Variants in HLCS observed in about 807,000 individuals in gnomAD.
HLCS encodes holocarboxylase synthetase.
HLCS carries 53 observed loss-of-function variants against 75.0 expected under a neutral mutation model. The ratio of observed to expected loss-of-function variants is 0.71; its 90% confidence interval spans 0.57 to 0.89. The LOEUF (loss-of-function observed/expected upper bound fraction) is 0.89, where lower values mean the gene tolerates loss of function less well. HLCS is among the 40% of genes least tolerant of loss of function. HLCS has a pLI of 0.00. For synonymous variants in HLCS, 431 were observed against 428.6 expected, an observed-to-expected ratio of 1.01 and a Z score of -0.07; for missense variants, 966 against 1,074.0, an observed-to-expected ratio of 0.90 and a Z score of 1.41.
At chr21:36,766,699 C>A (rs567827576) in intron 7 of HLCS, among the ~76,000 whole-genome samples, 1 of 151,800 alleles carries the variant, frequency 6.6e-6, no homozygotes, top group African/African-American at 2.4e-5. Flanking sequence ...CTCTCGTCTC[C>A]GGGATCTGCA....
rs1439535195 is a variant in HLCS at position 36,849,678 on chromosome 21, C to T, written c.1892+47182G>A. 2.0e-5 allele frequency among the ~76,000 whole-genome samples: 3 copies of T among 152,240 alleles called. No homozygotes were observed. In the East Asian group the frequency reaches 5.8e-4, roughly 29 times the overall value. On this transcript the variant is annotated intron_variant, in intron 6 of 10. Transcript: ENST00000674895. ...CCCCCACTGAACTGCCAGCATCCGGCTCTGCCTGTCTTTGGCTTCTGGCTT... is the reference window on the plus strand; with the variant it reads ...CCCCCACTGAACTGCCAGCATCCGGTTCTGCCTGTCTTTGGCTTCTGGCTT...
intron 6 of HLCS, among the ~76,000 whole-genome samples, chr21:36,888,445 A>AAAATATAT (rs2064596202): frequency 1.2e-4 from 3 of 24,102 alleles, no homozygotes; most frequent in Non-Finnish European, 1.6e-4. Context: ...AAAAAAAAAA[A>AAAATATAT]ATATATATAT....
intron 6 of HLCS, among the ~76,000 whole-genome samples, chr21:36,783,313 T>C (rs2060588096): frequency 1.3e-5 from 2 of 152,286 alleles, no homozygotes; most frequent in South Asian, 2.1e-4. Context: ...ATGATTAGAA[T>C]GCAGCTGGTC....
chr21:36,755,917 G>C (rs1157390979), intron 10 of HLCS, among the ~76,000 whole-genome samples: 2 of 152,224 alleles, frequency 1.3e-5, no homozygotes, highest in African/African-American at 2.4e-5. Flanking sequence ...TGGAAGGTTT[G>C]ACAATTTAGA....
intron 5 of HLCS, among the ~76,000 whole-genome samples, chr21:36,921,958 G>A (rs1457370680): frequency 6.6e-6 from 1 of 152,134 alleles, no homozygotes; most frequent in East Asian, 1.9e-4. Context: ...AAGTTTTTCT[G>A]TAGTTCTGGT....
intron 6 of HLCS, among the ~76,000 whole-genome samples, chr21:36,827,385 A>T: frequency 6.6e-6 from 1 of 151,550 alleles, no homozygotes; most frequent in Non-Finnish European, 1.5e-5. Flanking sequence ...CCTGGCCAAC[A>T]TGGTGAAACC....
chr21:36,954,661 A>G (rs1247410994), intron 2 of HLCS, among the ~76,000 whole-genome samples: 3 of 152,202 alleles, frequency 2.0e-5, no homozygotes, highest in Admixed American at 6.5e-5. Context: ...TACAGTACAC[A>G]GTACCTGATA....
At chr21:36,940,646 C>T (rs909967112) in intron 2 of HLCS, among the ~76,000 whole-genome samples, 1 of 152,204 alleles carries the variant, frequency 6.6e-6, no homozygotes, top group African/African-American at 2.4e-5. Context: ...AATCCTGAAC[C>T]TACAGAGGAA....
rs151234455 is a variant in HLCS, at chr21:36,862,361, C to T, written c.1892+34499G>A. On this transcript the variant is annotated intron_variant, in intron 6 of 10. Coordinates refer to ENST00000674895, the MANE Select transcript of HLCS (RefSeq NM_001352514.2). ...TAACTCTGTATTTAACCTTGCAAGGCGCTGCCTGTTTTCCAAAGCAGCTGC... is the reference window on the plus strand; with the variant it reads ...TAACTCTGTATTTAACCTTGCAAGGTGCTGCCTGTTTTCCAAAGCAGCTGC... 5.3e-4 allele frequency among the ~76,000 whole-genome samples: 80 copies of T among 152,282 alleles called. 1 individual carries two copies. Among genetic ancestry groups the T allele is most frequent in the African/African-American group, 1.7e-3 (71 of 41,536 alleles).
chr21:36,756,720 T>A lies in HLCS; in HGVS notation c.2272A>T (p.Ile758Phe). Residue 758 changes from isoleucine (I) to phenylalanine (F), a missense_variant, in exon 10 of 11, where the codon ATC (isoleucine) becomes TTC (phenylalanine). Ile to Phe is a conservative substitution (Grantham distance 21). Coordinates refer to ENST00000674895, the MANE Select transcript of HLCS (RefSeq NM_001352514.2). ...TCTGTGATGAGGTCGTTGATGCAGATGGTAGGGTTACTGTTAGTCACATTA... is the reference window on the plus strand; with the variant it reads ...TCTGTGATGAGGTCGTTGATGCAGAAGGTAGGGTTACTGTTAGTCACATTA... ...GFNVTNSNPT[I>F]CINDLITEYN... 1 of 1,614,188 alleles carries A rather than the reference T, an allele frequency of 6.2e-7. No homozygotes were observed. The highest frequency in any genetic ancestry group is 8.5e-7 in the Non-Finnish European group (1 of 1,180,028).
chr21:36,862,356 C>T (rs1243256836), intron 6 of HLCS, among the ~76,000 whole-genome samples: 2 of 152,218 alleles, frequency 1.3e-5, no homozygotes, highest in Non-Finnish European at 2.9e-5. Context: ...TTTAACCTTG[C>T]AAGGCGCTGC....
At position 36,812,252 on chromosome 21, in the gene HLCS, T is replaced by C. The variant is rs542447147; in HGVS notation, c.1893-44967A>G. Reference sequence around the variant, plus strand: ...TCTCTCTATCCTTCTCAGAGTCTGATCAAACTGGGAGGTAACAGATTCTCA... The same window carrying C: ...TCTCTCTATCCTTCTCAGAGTCTGACCAAACTGGGAGGTAACAGATTCTCA... On this transcript the variant is annotated intron_variant, in intron 6 of 10. Transcript: ENST00000674895. Among the ~76,000 whole-genome samples the C allele has an allele frequency of 3.9e-5, 6 of 152,288 alleles. No homozygotes were observed. The South Asian group carries it at 1.2e-3, about 32-fold the overall frequency.
chr21:36,962,179 A>C lies in HLCS; in HGVS notation c.196-9T>G. On this transcript the variant is annotated splice_polypyrimidine_tract_variant and intron_variant, in intron 1 of 10. Transcript: ENST00000674895. The stretch of plus-strand genomic sequence containing the variant: ...TTCAAGTCTTCAATGGACTGTATAG[A>C]GGGAAAGAAATATAATGAGATTGTC... The C allele has an allele frequency of 7.8e-7, 1 of 1,284,566 alleles. No homozygotes were observed. The highest frequency in any genetic ancestry group is 1.0e-6 in the Non-Finnish European group (1 of 985,700). The allele number at this position is 1,284,566 out of a possible 1,614,324, so 79.6% of individuals were successfully genotyped here.
intron 6 of HLCS, among the ~76,000 whole-genome samples, chr21:36,877,172 C>A (rs1303129010): frequency 6.6e-6 from 1 of 152,148 alleles, no homozygotes; most frequent in African/African-American, 2.4e-5. Flanking sequence ...ATACTCAGGT[C>A]TTGCTTTTTA....
intron 6 of HLCS, among the ~76,000 whole-genome samples, chr21:36,830,717 C>T (rs2062175257): frequency 6.7e-6 from 1 of 148,386 alleles, no homozygotes; most frequent in Non-Finnish European, 1.5e-5. Context: ...TGGCACACAT[C>T]TGTAGTCTCA....
chr21:36,947,538 G>A (rs1322757737), intron 2 of HLCS: 97 of 985,310 alleles, frequency 9.8e-5, no homozygotes, highest in Non-Finnish European at 1.1e-4. Context: ...GAAAAGAGAA[G>A]GGAAGTCAAG....
At chr21:36,841,739 A>T (rs2065303) in intron 6 of HLCS, among the ~76,000 whole-genome samples, 10,628 of 152,316 alleles carry the variant, frequency 0.07, 511 homozygotes, top group South Asian at 0.17. Context: ...CTTCACAGGC[A>T]ACTAAGACGT....
At chr21:36,756,933 T>C in intron 9 of HLCS, 178 bp from the exon 10 acceptor site, 1 of 985,448 alleles carries the variant, frequency 1.0e-6, no homozygotes, top group Non-Finnish European at 1.2e-6. Context: ...TCTTCCTTTT[T>C]GTCCTTCTTT....
chr21:36,889,047 G>T (rs569081238), intron 6 of HLCS, among the ~76,000 whole-genome samples: 1 of 152,284 alleles, frequency 6.6e-6, no homozygotes, highest in South Asian at 2.1e-4. Flanking sequence ...CGCACCGTCA[G>T]GCATGGACGC....
Sources: gnomAD v4.1 joint callset for allele counts (sites outside exome capture counted in the v4.1 genomes callset) on GRCh38, gnomAD v4.1.1 for gene constraint, MANE v1.5 for transcripts, NCBI Gene and HGNC (gene_info 2026-07-23, HGNC 2026-07-21) for gene names.